TENM2: variants seen among roughly 807,000 people sequenced by gnomAD.
The protein encoded by TENM2 is teneurin transmembrane protein 2.
TENM2 carries 52 observed loss-of-function variants against 245.2 expected under a neutral mutation model. The observed-to-expected ratio is 0.21, with a 90% CI of 0.17 to 0.27. The LOEUF (loss-of-function observed/expected upper bound fraction) is 0.27. Among genes scored for constraint, TENM2 ranks in the 10% least tolerant of loss-of-function variants. The pLI is 1.00. For synonymous variants in TENM2, 1,363 were observed against 1,438.9 expected, an observed-to-expected ratio of 0.95 and a Z score of 1.19; for missense variants, 3,046 against 3,666.8, an observed-to-expected ratio of 0.83 and a Z score of 4.37.
At chr5:168,097,933 C>T in intron 8 of TENM2, 93 bp from the exon 11 acceptor site, 1 of 829,992 alleles carries the variant, frequency 1.2e-6, no homozygotes, top group South Asian at 1.6e-5. Context: ...AGATTACTAC[C>T]ACTGGTCTTT....
chr5:167,767,651 T>C (rs1436965160), intron 2 of TENM2, among the ~76,000 whole-genome samples: 1 of 152,204 alleles, frequency 6.6e-6, no homozygotes, highest in Non-Finnish European at 1.5e-5. Flanking sequence ...AGGCTACTGC[T>C]GTAGTTTATT....
chr5:167,077,902 G>A, the TENM2 span, among the ~76,000 whole-genome samples: 1 of 152,150 alleles, frequency 6.6e-6, no homozygotes, highest in African/African-American at 2.4e-5. Flanking sequence ...AGAGGTGTTT[G>A]TTGTATCATT....
At chr5:167,052,163 T>A in the TENM2 span, among the ~76,000 whole-genome samples, 3 of 152,154 alleles carry the variant, frequency 2.0e-5, no homozygotes, top group African/African-American at 7.2e-5. Flanking sequence ...ATAAACTACA[T>A]CAATGATGGC....
At chr5:168,030,436 C>T (rs996717472) in intron 5 of TENM2, among the ~76,000 whole-genome samples, 16 of 152,044 alleles carry the variant, frequency 1.1e-4, no homozygotes, top group African/African-American at 3.6e-4. Flanking sequence ...AGCATTCATC[C>T]GAATCACCTG....
chr5:167,650,201 T>A lies in TENM2; in HGVS notation c.503-225785T>A, dbSNP rs573860839. Among the ~76,000 whole-genome samples, 5 of 152,332 alleles carry A rather than the reference T, an allele frequency of 3.3e-5. No individual in the cohort carries two copies. The East Asian group carries it at 9.6e-4, about 29-fold the overall frequency. ...AGTCTTCTATAGGAAACTGAAAGAA[T>A]TTCCACTTTGCTTTGACTTTCCCTG... On this transcript the variant is annotated intron_variant, in intron 2 of 28. Transcript: ENST00000518659.
intron 2 of TENM2, among the ~76,000 whole-genome samples, chr5:167,473,053 G>A (rs1360467205): frequency 6.6e-6 from 1 of 152,136 alleles, no homozygotes; most frequent in East Asian, 1.9e-4. Flanking sequence ...AACTTTTTCA[G>A]TTCTTGGATG....
intron 2 of TENM2, among the ~76,000 whole-genome samples, chr5:167,741,088 C>T (rs960500114): frequency 2.0e-5 from 3 of 152,214 alleles, no homozygotes; most frequent in African/African-American, 4.8e-5. Context: ...CTGAGAAGCT[C>T]ATTCTTATGC....
chr5:168,103,136 G>GT (rs1344235921), intron 9 of TENM2, among the ~76,000 whole-genome samples: 1 of 151,874 alleles, frequency 6.6e-6, no homozygotes, highest in Non-Finnish European at 1.5e-5. Context: ...GCGGTGTTTG[G>GT]TTTTTTGTCC....
At chr5:168,042,716 A>C (rs2152016925) in intron 5 of TENM2, among the ~76,000 whole-genome samples, 1 of 150,596 alleles carries the variant, frequency 6.6e-6, no homozygotes, top group African/African-American at 2.4e-5. Flanking sequence ...TCACACCCTC[A>C]CTCCACGTAG....
At chr5:167,187,600 G>A in the TENM2 span, among the ~76,000 whole-genome samples, 3 of 152,052 alleles carry the variant, frequency 2.0e-5, no homozygotes, top group Admixed American at 6.6e-5. Flanking sequence ...GTCACCTGGG[G>A]TCTCTCTCCT....
the TENM2 span, among the ~76,000 whole-genome samples, chr5:167,214,140 G>A: frequency 6.6e-6 from 1 of 152,198 alleles, no homozygotes; most frequent in Non-Finnish European, 1.5e-5. Context: ...CAAAGCTGTG[G>A]TTCTGAAACT....
At chr5:167,481,884 T>C (rs1371150377) in intron 2 of TENM2, among the ~76,000 whole-genome samples, 2 of 152,232 alleles carry the variant, frequency 1.3e-5, no homozygotes, top group African/African-American at 2.4e-5. Context: ...GTTTTCTTTC[T>C]TGTTATGTGA....
chr5:167,952,954 CA>C, intron 4 of TENM2, 132 bp downstream of exon 6: 1 of 717,514 alleles, frequency 1.4e-6, no homozygotes, highest in Non-Finnish European at 2.4e-6. Context: ...ACAAGTTTAC[CA>C]CCTCCTTGTT....
At chr5:167,453,797 C>T (rs763501938) in intron 2 of TENM2, among the ~76,000 whole-genome samples, 3 of 152,096 alleles carry the variant, frequency 2.0e-5, no homozygotes, top group Non-Finnish European at 4.4e-5. Context: ...TCTCAACATT[C>T]GATTTTCTTC....
intron 2 of TENM2, among the ~76,000 whole-genome samples, chr5:167,490,789 C>T (rs796825698): frequency 1.4e-4 from 22 of 152,250 alleles, no homozygotes; most frequent in African/African-American, 5.3e-4. Context: ...TTAAGCCTCT[C>T]TACTGCAAGT....
At chr5:168,232,784 A>G (rs1562314187) in intron 25 of TENM2, among the ~76,000 whole-genome samples, 1 of 152,176 alleles carries the variant, frequency 6.6e-6, no homozygotes, top group Non-Finnish European at 1.5e-5. Flanking sequence ...TAGTGGAGGA[A>G]AGTATCAGTG....
At chr5:167,995,144 C>T (rs1284045626) in intron 5 of TENM2, among the ~76,000 whole-genome samples, 1 of 152,148 alleles carries the variant, frequency 6.6e-6, no homozygotes, top group African/African-American at 2.4e-5. Context: ...AATACCGTCC[C>T]AGTGCGCCTT....
chr5:167,964,570 C>G (rs899794505), intron 4 of TENM2, among the ~76,000 whole-genome samples: 2 of 152,178 alleles, frequency 1.3e-5, no homozygotes, highest in Non-Finnish European at 2.9e-5. Flanking sequence ...TATGGAGATT[C>G]TAGGCTGGAA....
chr5:167,875,695 G>A (rs1773360365), intron 2 of TENM2, among the ~76,000 whole-genome samples: 1 of 152,152 alleles, frequency 6.6e-6, no homozygotes, highest in African/African-American at 2.4e-5. Flanking sequence ...GATTAGGACT[G>A]TAGCAGAGGA....
Sources: allele counts gnomAD v4.1 joint callset (sites outside exome capture counted in the v4.1 genomes callset), GRCh38; gene constraint gnomAD v4.1.1; transcripts MANE v1.5; gene names NCBI Gene and HGNC (gene_info 2026-07-23, HGNC 2026-07-21).